Variants in TP63 observed in about 807,000 individuals in gnomAD.
TP63 encodes tumor protein 63.
A neutral mutation model predicts 82.8 loss-of-function variants in TP63; 17 were observed. The ratio of observed to expected loss-of-function variants is 0.21; its 90% CI spans 0.14 to 0.31. TP63 has a LOEUF of 0.31. TP63 is among the 10% of genes least tolerant of loss of function. The pLI, the probability that TP63 is intolerant of heterozygous loss-of-function variation, is 1.00. For missense variants in TP63, 648 were observed against 895.3 expected (o/e 0.72, Z 3.52); for synonymous variants, 330 against 321.7 (o/e 1.03, Z -0.28).
intron 1 of TP63, among the ~76,000 whole-genome samples, chr3:189,737,460 G>A (rs1720676990): frequency 6.6e-6 from 1 of 152,106 alleles, no homozygotes; most frequent in East Asian, 1.9e-4. Flanking sequence ...TCGGATAGTG[G>A]AGGTATAGAG....
intron 1 of TP63, among the ~76,000 whole-genome samples, chr3:189,642,524 T>A (rs1235364070): frequency 4.6e-5 from 7 of 152,004 alleles, no homozygotes; most frequent in Non-Finnish European, 1.0e-4. Context: ...ATGTTATACC[T>A]CCTAACTTAA....
chr3:189,860,992 TC>T (rs1378145182), intron 4 of TP63, among the ~76,000 whole-genome samples: 1 of 152,164 alleles, frequency 6.6e-6, no homozygotes, highest in African/African-American at 2.4e-5. Flanking sequence ...TTAACCCGCA[TC>T]CCCTCCTACC....
chr3:189,856,830 T>G (rs1285013149), intron 4 of TP63, among the ~76,000 whole-genome samples: 1 of 152,062 alleles, frequency 6.6e-6, no homozygotes, highest in Non-Finnish European at 1.5e-5. Flanking sequence ...AGGTACAGTA[T>G]TTATACACTG....
chr3:189,866,987 A>T (rs1042488699), intron 6 of TP63, among the ~76,000 whole-genome samples, 190 bp downstream of exon 6: 2 of 152,156 alleles, frequency 1.3e-5, no homozygotes, highest in African/African-American at 4.8e-5. Flanking sequence ...ATACCTAAAT[A>T]TGCACTGAAT....
At chr3:189,630,031 C>T (rs117547837), upstream of TP63, among the ~76,000 whole-genome samples, 197 of 152,252 alleles carry the variant, frequency 1.3e-3, no homozygotes, top group Admixed American at 7.0e-3. Context: ...TAGCCGCTCT[C>T]GGGCTAAGTA....
chr3:189,820,992 CACT>C (rs1362461307), intron 4 of TP63, among the ~76,000 whole-genome samples: 1 of 152,116 alleles, frequency 6.6e-6, no homozygotes, highest in Admixed American at 6.5e-5. Flanking sequence ...AAAATATACC[CACT>C]ACTTTAGGTG....
intron 1 of TP63, among the ~76,000 whole-genome samples, chr3:189,697,369 A>G (rs934459065): frequency 1.3e-5 from 2 of 151,254 alleles, no homozygotes; most frequent in African/African-American, 2.4e-5. Flanking sequence ...ATGGGTCTGT[A>G]TATATATCTG....
At chr3:189,720,750 AAAAAAAAG>A (rs1458644968) in intron 1 of TP63, among the ~76,000 whole-genome samples, 31 of 151,512 alleles carry the variant, frequency 2.0e-4, no homozygotes, top group African/African-American at 4.1e-4. Flanking sequence ...AAAAAAAAAA[AAAAAAAAG>A]AAGAAGACTG....
the TP63 span, among the ~76,000 whole-genome samples, chr3:189,600,064 T>A: frequency 6.6e-6 from 1 of 152,166 alleles, no homozygotes; most frequent in South Asian, 2.1e-4. Flanking sequence ...CAAAAACATT[T>A]ATTTTACTGA....
the TP63 span, among the ~76,000 whole-genome samples, chr3:189,603,650 TAAAA>T: frequency 0.017 from 840 of 50,790 alleles, 21 homozygotes; most frequent in African/African-American, 0.053. Flanking sequence ...TTGCCTTCAT[TAAAA>T]AAAAAAAAAA....
chr3:189,712,473 C>T (rs999870094), intron 1 of TP63, among the ~76,000 whole-genome samples: 10 of 152,104 alleles, frequency 6.6e-5, no homozygotes, highest in Non-Finnish European at 1.2e-4. Flanking sequence ...TGGTGGATTC[C>T]GTCTGATGAG....
At position 189,792,062 on chromosome 3, in the gene TP63, T is replaced by C. The variant is rs557556267; in HGVS notation, c.325-16210T>C. 2.4e-4 allele frequency among the ~76,000 whole-genome samples: 37 copies of C among 152,244 alleles called. No individual in the cohort carries two copies. The East Asian group carries it at 7.2e-3, about 30-fold the overall frequency. On this transcript the variant is annotated intron_variant, in intron 3 of 13. Coordinates refer to ENST00000264731, the MANE Select transcript of TP63 (RefSeq NM_003722.5). ...GACTTCAAATAAATTTATAGTTTAA[T>C]TTGCTAGCAATTTCTTTGAGTTGAT...
intron 1 of TP63, among the ~76,000 whole-genome samples, chr3:189,673,496 A>G (rs1042486456): frequency 2.6e-5 from 4 of 151,794 alleles, no homozygotes; most frequent in East Asian, 1.9e-4. Flanking sequence ...AATCTATCAG[A>G]TAAGATAACT....
At chr3:189,882,108 C>G (rs1387966144) in intron 10 of TP63, among the ~76,000 whole-genome samples, 3 of 151,874 alleles carry the variant, frequency 2.0e-5, no homozygotes, top group African/African-American at 7.2e-5. Context: ...ACCAGATGCT[C>G]CTGTTATATT....
intron 1 of TP63, among the ~76,000 whole-genome samples, chr3:189,698,356 AC>A (rs1372972276): frequency 6.6e-6 from 1 of 152,116 alleles, no homozygotes; most frequent in African/African-American, 2.4e-5. Context: ...TTGAAATGTC[AC>A]TAGAAATTCA....
chr3:189,808,333 C>T lies in TP63; in HGVS notation c.386C>T (p.Ser129Leu), dbSNP rs193287780. ...GACCAGCAGATTCAGAACGGCTCCT[C>T]GTCCACCAGTCCCTATAACACAGAC... ...SMDQQIQNGS[S>L]STSPYNTDHA... Residue 129 changes from serine (S) to leucine (L), a missense_variant, in exon 4 of 14, where the codon TCG becomes TTG. Coordinates refer to ENST00000264731, the MANE Select transcript of TP63 (RefSeq NM_003722.5). 3 of 1,614,196 alleles carry T rather than the reference C, an allele frequency of 1.9e-6. No homozygotes were observed. Among genetic ancestry groups the T allele is most frequent in the South Asian group, 2.2e-5 (2 of 91,088 alleles).
At chr3:189,868,142 A>G (rs1003603205) in intron 7 of TP63, among the ~76,000 whole-genome samples, 200 bp downstream of exon 7, 1 of 152,220 alleles carries the variant, frequency 6.6e-6, no homozygotes, top group Non-Finnish European at 1.5e-5. Context: ...TAGAAGGAAA[A>G]AAAGAGCTAG....
chr3:189,849,853 C>G (rs1001870283), intron 4 of TP63, among the ~76,000 whole-genome samples: 3 of 152,150 alleles, frequency 2.0e-5, no homozygotes, highest in Admixed American at 6.6e-5. Context: ...AAGGTTTGGA[C>G]AAGAGGTGCT....
chr3:189,798,858 A>G (rs1039715348), intron 3 of TP63, among the ~76,000 whole-genome samples: 6 of 152,118 alleles, frequency 3.9e-5, no homozygotes, highest in African/African-American at 1.4e-4. Flanking sequence ...CATAGCTCAA[A>G]ACTTGAGTTT....
Sources: allele counts gnomAD v4.1 joint callset (sites outside exome capture counted in the v4.1 genomes callset), GRCh38; gene constraint gnomAD v4.1.1; transcripts MANE v1.5; gene names NCBI Gene and HGNC (gene_info 2026-07-23, HGNC 2026-07-21).